The following EMILIN2 variants were observed in gnomAD, a reference collection of about 807,000 sequenced individuals.
The protein encoded by EMILIN2 is elastin microfibril interfacer 2, also known as EMILIN-2.
In EMILIN2, 71 loss-of-function variants were observed where a neutral mutation model predicts 87.1. That is an observed-to-expected ratio of 0.82 (90% CI 0.67 to 0.99). The LOEUF (loss-of-function observed/expected upper bound fraction) is 0.99. Ranked by LOEUF, EMILIN2 falls within the 50% of genes least tolerant of loss-of-function variation. EMILIN2 has a pLI of 0.00. For missense variants in EMILIN2, 1,407 were observed against 1,371.8 expected (o/e 1.03, Z -0.40); for synonymous variants, 581 against 563.4 (o/e 1.03, Z -0.44).
chr18:2,874,054 T>G (rs1312763734), intron 2 of EMILIN2, among the ~76,000 whole-genome samples: 1 of 152,200 alleles, frequency 6.6e-6, no homozygotes, highest in Non-Finnish European at 1.5e-5. Flanking sequence ...GACATCATAG[T>G]TGTCACCAAC....
intron 2 of EMILIN2, among the ~76,000 whole-genome samples, chr18:2,872,403 A>T (rs1298035892): frequency 2.6e-5 from 4 of 152,172 alleles, no homozygotes; most frequent in African/African-American, 9.7e-5. Flanking sequence ...AAAATAAAAA[A>T]TTCATATGGG....
rs550743961 is a variant in EMILIN2 at position 2,886,594 on chromosome 18, C to T, written c.433+1455C>T. On this transcript the variant is annotated intron_variant, in intron 3 of 7. Coordinates refer to ENST00000254528, the MANE Select transcript of EMILIN2 (RefSeq NM_032048.3). ...TCCTCAACACATGGCTCCTATCCCCCCATCCCTTCCATACAGTTAGACCAT... is the reference window on the plus strand; with the variant it reads ...TCCTCAACACATGGCTCCTATCCCCTCATCCCTTCCATACAGTTAGACCAT... Among the ~76,000 whole-genome samples the T allele has an allele frequency of 2.0e-5, 3 of 152,320 alleles. No individual in the cohort carries two copies. In the South Asian group the frequency reaches 6.2e-4, roughly 32 times the overall value.
At position 2,906,870 on chromosome 18, in the gene EMILIN2, C is replaced by A; in HGVS notation, c.2447C>A (p.Thr816Asn). The change falls in exon 5 of 8, where the codon ACC becomes AAC. Residue 816 changes from threonine (T) to asparagine (N), a missense_variant. Transcript: ENST00000254528. ...CCGCCGAGGCCCAGCGGCCCCGCAA[C>A]CGCAGAGGACCCTGGGCGACGGCCC... ...PAPPRPSGPA[T>N]AEDPGRRPVL... The A allele has an allele frequency of 8.0e-6, 11 of 1,376,956 alleles. No homozygotes were observed. The highest frequency in any genetic ancestry group is 1.0e-5 in the Non-Finnish European group (11 of 1,064,288). The allele number at this position is 1,376,956 out of a possible 1,614,324, so 85.3% of individuals were successfully genotyped here.
At position 2,892,367 on chromosome 18, in the gene EMILIN2, C is replaced by T. The variant is rs201404612; in HGVS notation, c.2240C>T (p.Thr747Met). 3.0e-5 allele frequency: 49 copies of T among 1,614,022 alleles called. No homozygotes were observed. The highest frequency in any genetic ancestry group is 3.3e-4 in the Middle Eastern group (2 of 6,084). Residue 747 changes from threonine (T) to methionine (M), a missense_variant, in exon 4 of 8, where the codon ACG becomes ATG. Thr to Met is a moderately conservative substitution (Grantham distance 81). Transcript: ENST00000254528. ...AACTGTGTCAGGCAGATGAACGGAACGCTCAGGTCGCATTCCAGAGACATT... is the reference window on the plus strand; with the variant it reads ...AACTGTGTCAGGCAGATGAACGGAATGCTCAGGTCGCATTCCAGAGACATT... ...LWNCVRQMNG[T>M]LRSHSRDISG... is the part of the protein sequence containing the mutation.
In EMILIN2 at chr18:2,890,848, GGAGACACAGAAAC is replaced by G; in HGVS notation, c.723_735del (p.Asp242AlafsTer14). ...CCCCAAGCCTGACACCACTGTTAGT[GGAGACACAGAAAC>G]GGGCCAGAGTCCTGGTGTCTTCAAC... is the stretch of plus-strand genomic sequence containing the variant. On this transcript the variant is annotated frameshift_variant, in exon 4 of 8. Transcript: ENST00000254528. LOFTEE classifies it high-confidence loss of function. The surrounding 1 kb of genome is among the most constrained non-coding windows in gnomAD (Gnocchi z 4.7). 6.2e-7 allele frequency: 1 copy of G among 1,613,864 alleles called. No homozygotes were observed. Among genetic ancestry groups the G allele is most frequent in the Non-Finnish European group, 8.5e-7 (1 of 1,180,014 alleles).
At chr18:2,868,336 C>T (rs1395447379) in intron 2 of EMILIN2, among the ~76,000 whole-genome samples, 3 of 152,162 alleles carry the variant, frequency 2.0e-5, no homozygotes, top group Admixed American at 1.3e-4. Context: ...GGCAGAGGGG[C>T]TCCTCACATC....
At chr18:2,896,654 T>C (rs2076865176) in intron 4 of EMILIN2, among the ~76,000 whole-genome samples, 1 of 152,032 alleles carries the variant, frequency 6.6e-6, no homozygotes, top group South Asian at 2.1e-4. Context: ...TTTTGTTATT[T>C]ATTTATTTAT....
chr18:2,893,990 A>AC (rs1166364102), intron 4 of EMILIN2, among the ~76,000 whole-genome samples: 2 of 149,610 alleles, frequency 1.3e-5, no homozygotes, highest in Non-Finnish European at 3.0e-5. Context: ...CCTATTCCTG[A>AC]CCTCCCCCTC....
At chr18:2,898,003 C>T (rs1326797855) in intron 4 of EMILIN2, among the ~76,000 whole-genome samples, 2 of 152,164 alleles carry the variant, frequency 1.3e-5, no homozygotes, top group Non-Finnish European at 2.9e-5. Flanking sequence ...GCTCGAGGCC[C>T]TTTATTCCCT....
At position 2,847,859 on chromosome 18, in the gene EMILIN2, AG is replaced by A; in HGVS notation, c.188del (p.Gly63GlufsTer27). The A allele has an allele frequency of 6.2e-7, 1 of 1,613,552 alleles. No individual in the cohort carries two copies. The highest frequency in any genetic ancestry group is 1.3e-5 in the African/African-American group (1 of 75,030). ...AAGAATGTGAGCTGCTCCGTGCTGG[AG>A]GGAAGTGAGAGTTTTATTCAGGCTC... ...VNKNVSCSVL[E>X]GSESFIQAQY... On this transcript the variant is annotated frameshift_variant, in exon 2 of 8. Transcript: ENST00000254528. LOFTEE classifies it high-confidence loss of function. This position sits in a 1 kb window ranked among gnomAD's most constrained non-coding sequence, Gnocchi z 4.5.
Position 2,913,255 on chromosome 18 carries a change from C to T in EMILIN2, c.3013C>T (p.Pro1005Ser), listed in dbSNP as rs757068759. The T allele has an allele frequency of 1.2e-6, 2 of 1,613,868 alleles. No homozygotes were observed. Among genetic ancestry groups the T allele is most frequent in the East Asian group, 4.5e-5 (2 of 44,864 alleles). Residue 1005 changes from proline to serine, a missense_variant, in exon 8 of 8, where the codon CCG becomes TCG. Pro to Ser is a moderately conservative substitution (Grantham distance 74, BLOSUM62 -1). Coordinates refer to ENST00000254528, the MANE Select transcript of EMILIN2 (RefSeq NM_032048.3). The stretch of plus-strand genomic sequence containing the variant: ...AGGAGCTTTGCATACCTGCGGGGGC[C>T]CGGGGGCATTCCACCTCATCGTGCA... Reference protein sequence around the residue: ...PPGALHTCGGPGAFHLIVHLK... With the variant: ...PPGALHTCGGSGAFHLIVHLK...
chr18:2,886,203 A>T (rs1250125380), intron 3 of EMILIN2, among the ~76,000 whole-genome samples: 1 of 152,214 alleles, frequency 6.6e-6, no homozygotes, highest in Non-Finnish European at 1.5e-5. Context: ...GGAATAAGTG[A>T]GAAAAAAGGC....
chr18:2,901,798 T>G (rs1032516827), intron 4 of EMILIN2, among the ~76,000 whole-genome samples: 1 of 152,224 alleles, frequency 6.6e-6, no homozygotes, highest in African/African-American at 2.4e-5. Context: ...GACTTGGTCA[T>G]AAATGTGTGC....
chr18:2,909,858 T>G, intron 7 of EMILIN2, 39 bp downstream of exon 7: 2 of 1,599,728 alleles, frequency 1.3e-6, no homozygotes, highest in Non-Finnish European at 1.7e-6. Context: ...GTCCTCCTCC[T>G]ACCCCAACGC....
At chr18:2,895,898 G>A (rs972287927) in intron 4 of EMILIN2, among the ~76,000 whole-genome samples, 2 of 152,208 alleles carry the variant, frequency 1.3e-5, no homozygotes, top group Non-Finnish European at 2.9e-5. Context: ...CAGATCCAGA[G>A]GTGAAGATGT....
intron 2 of EMILIN2, among the ~76,000 whole-genome samples, chr18:2,870,772 G>A (rs573511906): frequency 1.3e-5 from 2 of 152,344 alleles, no homozygotes; most frequent in East Asian, 3.9e-4. Flanking sequence ...GGTGTCCACA[G>A]GGGGTCGTAG....
chr18:2,853,334 C>A (rs968604449), intron 2 of EMILIN2, among the ~76,000 whole-genome samples: 2 of 152,178 alleles, frequency 1.3e-5, no homozygotes, highest in African/African-American at 4.8e-5. Flanking sequence ...ACATTCCCAG[C>A]GATCGCCCGT....
chr18:2,896,982 C>CA (rs1234002933), intron 4 of EMILIN2, among the ~76,000 whole-genome samples: 23 of 152,110 alleles, frequency 1.5e-4, no homozygotes, highest in East Asian at 1.9e-4. Flanking sequence ...ACAAAAAATA[C>CA]AAAAAAATAT....
chr18:2,909,638 C>G (rs1161981938), intron 6 of EMILIN2, 53 bp from the exon 7 acceptor site: 1 of 1,595,940 alleles, frequency 6.3e-7, no homozygotes, highest in African/African-American at 1.4e-5. Context: ...AGGCCCTCCC[C>G]CTGGAGGACA....
Sources: gnomAD v4.1 joint callset for allele counts (sites outside exome capture counted in the v4.1 genomes callset) on GRCh38, gnomAD v4.1.1 for gene constraint, Gnocchi (gnomAD v3.1) non-coding constraint, MANE v1.5 for transcripts, NCBI Gene and HGNC (gene_info 2026-07-23, HGNC 2026-07-21) for gene names.